PRELID2: variants seen among roughly 807,000 people sequenced by gnomAD.
PRELID2 encodes the protein PRELI domain containing 2, also known as PRELI domain-containing protein 2.
Under a neutral mutation model 28.4 loss-of-function variants are expected in PRELID2, and 25 were observed. The observed-to-expected ratio is 0.88, with a 90% CI of 0.64 to 1.23. PRELID2 has a LOEUF of 1.23. Among genes scored for constraint, PRELID2 ranks in the 50% most tolerant of loss-of-function variants. The pLI, the probability that PRELID2 is intolerant of heterozygous loss-of-function variation, is 0.00. For missense variants in PRELID2, 201 were observed against 214.4 expected (o/e 0.94, Z 0.39); for synonymous variants, 76 against 71.6 (o/e 1.06, Z -0.31).
At chr5:145,307,202 C>T in the PRELID2 span, among the ~76,000 whole-genome samples, 1 of 152,100 alleles carries the variant, frequency 6.6e-6, no homozygotes, top group East Asian at 1.9e-4. Context: ...TGTGAACAGC[C>T]GTAGTTTAAT....
chr5:145,399,184 A>G, the PRELID2 span, among the ~76,000 whole-genome samples: 51 of 151,884 alleles, frequency 3.4e-4, 1 homozygote, highest in South Asian at 4.4e-3. Context: ...TTTTCTTCTT[A>G]CTCGTTATCT....
the PRELID2 span, among the ~76,000 whole-genome samples, chr5:145,234,227 A>T: frequency 1.3e-5 from 2 of 152,146 alleles, no homozygotes; most frequent in South Asian, 4.1e-4. Context: ...ACTAATTCTT[A>T]GCAATATCAA....
At chr5:145,415,928 C>T in the PRELID2 span, among the ~76,000 whole-genome samples, 1 of 152,074 alleles carries the variant, frequency 6.6e-6, no homozygotes, top group African/African-American at 2.4e-5. Context: ...TTCTCCACTT[C>T]CTCTCCAGCA....
At chr5:145,619,499 G>A (rs958035037) in intron 1 of PRELID2, among the ~76,000 whole-genome samples, 15 of 152,254 alleles carry the variant, frequency 9.9e-5, no homozygotes, top group African/African-American at 3.1e-4. Context: ...GTGCCTGGGG[G>A]CAGAGGATCT....
At chr5:145,230,074 C>A in the PRELID2 span, 1 of 655,768 alleles carries the variant, frequency 1.5e-6, no homozygotes, top group Admixed American at 1.9e-5. Flanking sequence ...CCATGAGGAG[C>A]TGGGGCCTCC....
At chr5:145,809,718 G>A (rs1753802340) in intron 4 of PRELID2, among the ~76,000 whole-genome samples, 1 of 152,192 alleles carries the variant, frequency 6.6e-6, no homozygotes, top group Admixed American at 6.5e-5. Context: ...CTCAAATGCA[G>A]GAAAAACCCG....
chr5:145,821,364 T>C (rs1196111302), intron 2 of PRELID2, among the ~76,000 whole-genome samples: 1 of 151,922 alleles, frequency 6.6e-6, no homozygotes. Flanking sequence ...TGTTTGTGTG[T>C]GTGTGTGTAA....
intron 2 of PRELID2, among the ~76,000 whole-genome samples, chr5:145,472,722 T>C (rs1752065499): frequency 6.6e-6 from 1 of 152,054 alleles, no homozygotes. Flanking sequence ...GGTGAAATGG[T>C]ACAGAACAAT....
chr5:145,253,777 A>G, the PRELID2 span, among the ~76,000 whole-genome samples: 1 of 151,986 alleles, frequency 6.6e-6, no homozygotes, highest in African/African-American at 2.4e-5. Flanking sequence ...ATCATGAAAC[A>G]TAAGCCAAGC....
chr5:145,652,536 A>G (rs749817762), intron 1 of PRELID2, among the ~76,000 whole-genome samples: 1 of 152,250 alleles, frequency 6.6e-6, no homozygotes, highest in Admixed American at 6.5e-5. Context: ...AGCCCATGAG[A>G]CTAACAGCTG....
intron 1 of PRELID2, among the ~76,000 whole-genome samples, chr5:145,527,314 T>C (rs1451915354): frequency 6.6e-6 from 1 of 152,170 alleles, no homozygotes; most frequent in African/African-American, 2.4e-5. Flanking sequence ...CTTATGAAAT[T>C]TGGATAAGGT....
the PRELID2 span, among the ~76,000 whole-genome samples, chr5:145,342,778 C>A: frequency 2.0e-5 from 3 of 149,106 alleles, no homozygotes; most frequent in African/African-American, 7.4e-5. Context: ...CTCATTTTAT[C>A]AGTAAAGATA....
At chr5:145,511,642 T>G (rs1482850702) in intron 1 of PRELID2, among the ~76,000 whole-genome samples, 1 of 152,202 alleles carries the variant, frequency 6.6e-6, no homozygotes, top group African/African-American at 2.4e-5. Flanking sequence ...CCTTCATGGT[T>G]ACAGAATGAC....
At chr5:145,505,582 G>A (rs1262233682) in intron 1 of PRELID2, among the ~76,000 whole-genome samples, 1 of 152,010 alleles carries the variant, frequency 6.6e-6, no homozygotes, top group Non-Finnish European at 1.5e-5. Context: ...TGACTCTCCA[G>A]CTCGAAATCC....
intron 1 of PRELID2, among the ~76,000 whole-genome samples, chr5:145,500,536 G>A (rs541980621): frequency 6.6e-6 from 1 of 152,214 alleles, no homozygotes; most frequent in East Asian, 1.9e-4. Context: ...GTAAGAAAGG[G>A]CTTTCTCCAG....
chr5:145,585,130 T>C (rs1387985230), intron 1 of PRELID2, among the ~76,000 whole-genome samples: 1 of 152,106 alleles, frequency 6.6e-6, no homozygotes, highest in East Asian at 1.9e-4. Context: ...ATCAAGTCCT[T>C]TGCAGGGACA....
chr5:145,769,883 C>G (rs1757998586), intron 5 of PRELID2, among the ~76,000 whole-genome samples: 1 of 152,148 alleles, frequency 6.6e-6, no homozygotes, highest in African/African-American at 2.4e-5. Context: ...GGCAACACAG[C>G]CTCTGAAAAA....
At chr5:145,597,955 A>G (rs545750947) in intron 1 of PRELID2, among the ~76,000 whole-genome samples, 2 of 152,322 alleles carry the variant, frequency 1.3e-5, no homozygotes, top group East Asian at 3.9e-4. Context: ...CTATGCATCA[A>G]AACCAGATAG....
chr5:145,712,561 T>C, intron 1 of PRELID2, among the ~76,000 whole-genome samples: 1 of 152,174 alleles, frequency 6.6e-6, no homozygotes, highest in East Asian at 1.9e-4. Flanking sequence ...AAAGAAGCAA[T>C]ACCCTTTTTT....
Sources: gnomAD v4.1 joint callset for allele counts (sites outside exome capture counted in the v4.1 genomes callset) on GRCh38, gnomAD v4.1.1 for gene constraint, MANE v1.5 for transcripts, NCBI Gene and HGNC (gene_info 2026-07-23, HGNC 2026-07-21) for gene names.